Variants in ZNF469 observed in about 807,000 individuals in gnomAD.
The protein encoded by ZNF469 is zinc finger protein 469.
In ZNF469, 1 loss-of-function variant was observed where a neutral mutation model predicts 1.0. That is an observed-to-expected ratio of 1.00 (90% CI 0.35 to 4.73). ZNF469 has a LOEUF of 4.73. ZNF469 is among the 30% of genes most tolerant of loss of function. The pLI, the probability that ZNF469 is intolerant of heterozygous loss-of-function variation, is 0.16. For missense variants in ZNF469, 6,100 were observed against 5,356.3 expected (o/e 1.14, Z -4.33); for synonymous variants, 2,703 against 2,363.4 (o/e 1.14, Z -4.17).
chr16:88,357,629 G>C, the ZNF469 span, among the ~76,000 whole-genome samples: 3 of 152,214 alleles, frequency 2.0e-5, no homozygotes, highest in Admixed American at 1.3e-4. Flanking sequence ...GGGGAAGAGG[G>C]GGGGCCCGGG....
chr16:88,274,222 C>A, the ZNF469 span, among the ~76,000 whole-genome samples: 1 of 152,150 alleles, frequency 6.6e-6, no homozygotes, highest in Admixed American at 6.5e-5. Flanking sequence ...GTCTAATACC[C>A]ATGGTGTGAG....
chr16:88,297,239 G>A, the ZNF469 span, among the ~76,000 whole-genome samples: 7 of 152,166 alleles, frequency 4.6e-5, no homozygotes, highest in South Asian at 2.1e-4. Flanking sequence ...GTGGTCTCTC[G>A]GCTGTGCTGA....
chr16:88,302,703 C>G, the ZNF469 span, among the ~76,000 whole-genome samples: 1 of 152,186 alleles, frequency 6.6e-6, no homozygotes, highest in African/African-American at 2.4e-5. Context: ...CGGAGGCTCA[C>G]TTTCTGCTTG....
the ZNF469 span, among the ~76,000 whole-genome samples, chr16:88,331,641 T>C: frequency 6.6e-6 from 1 of 150,580 alleles, no homozygotes; most frequent in Non-Finnish European, 1.5e-5. Flanking sequence ...ACCACCGCCA[T>C]CATCATCACC....
the ZNF469 span, among the ~76,000 whole-genome samples, chr16:88,141,759 A>ATGGCAGCAGAGGTCGTGG: frequency 1.8e-3 from 275 of 152,312 alleles, 1 homozygote; most frequent in Middle Eastern, 3.4e-3. Context: ...GGCAGTGGCA[A>ATGGCAGCAGAGGTCGTGG]TGGCAGCAGA....
At chr16:88,183,091 C>A in the ZNF469 span, among the ~76,000 whole-genome samples, 330 of 152,210 alleles carry the variant, frequency 2.2e-3, 2 homozygotes, top group Admixed American at 6.6e-3. Flanking sequence ...TGGAAATAAC[C>A]CATGAAATAA....
At chr16:88,116,914 C>G in the ZNF469 span, among the ~76,000 whole-genome samples, 2 of 151,706 alleles carry the variant, frequency 1.3e-5, no homozygotes, top group African/African-American at 2.4e-5. Flanking sequence ...TTACACGAAT[C>G]TACACGTGTG....
the ZNF469 span, among the ~76,000 whole-genome samples, chr16:88,283,061 T>C: frequency 2.0e-5 from 3 of 152,164 alleles, no homozygotes; most frequent in Admixed American, 2.0e-4. Context: ...AAAGTCACTT[T>C]CCCATTTCTA....
chr16:88,360,004 G>C, the ZNF469 span, among the ~76,000 whole-genome samples: 1 of 152,120 alleles, frequency 6.6e-6, no homozygotes, highest in Non-Finnish European at 1.5e-5. Context: ...TTTGTATATT[G>C]GTTCTTGATT....
the ZNF469 span, among the ~76,000 whole-genome samples, chr16:88,171,765 G>A: frequency 6.6e-6 from 1 of 152,162 alleles, no homozygotes; most frequent in Admixed American, 6.5e-5. Context: ...GCTGTGTGAT[G>A]GAATGACAGT....
At chr16:88,427,124 G>A (rs1358499033) in intron 2 of ZNF469, among the ~76,000 whole-genome samples, 1 of 152,132 alleles carries the variant, frequency 6.6e-6, no homozygotes, top group Non-Finnish European at 1.5e-5. Flanking sequence ...CTAAGACAGG[G>A]AAGGGTCCCT....
At chr16:88,243,924 AT>A in the ZNF469 span, among the ~76,000 whole-genome samples, 6 of 85,436 alleles carry the variant, frequency 7.0e-5, no homozygotes, top group South Asian at 1.2e-3. Context: ...ATATATATAT[AT>A]ATATATATAT....
chr16:88,210,557 T>C, the ZNF469 span, among the ~76,000 whole-genome samples: 561 of 152,362 alleles, frequency 3.7e-3, 2 homozygotes, highest in African/African-American at 0.013. Flanking sequence ...TATGGTTTAA[T>C]TTTTTACATA....
chr16:88,297,609 G>A, the ZNF469 span, among the ~76,000 whole-genome samples: 2 of 152,138 alleles, frequency 1.3e-5, no homozygotes, highest in Non-Finnish European at 2.9e-5. Context: ...GGATGGGAGT[G>A]TGGCAGCTCA....
At chr16:88,381,999 C>G (rs2142258395), upstream of ZNF469, among the ~76,000 whole-genome samples, 1 of 152,370 alleles carries the variant, frequency 6.6e-6, no homozygotes, top group Middle Eastern at 3.4e-3. Context: ...TTGACCTGCT[C>G]CCGGGGGACC....
At chr16:88,380,462 C>T (rs1599339656), upstream of ZNF469, among the ~76,000 whole-genome samples, 1 of 134,982 alleles carries the variant, frequency 7.4e-6, no homozygotes, top group Non-Finnish European at 1.5e-5. Context: ...GACATGCACA[C>T]ACACATGCAC....
chr16:88,338,629 C>T, the ZNF469 span, among the ~76,000 whole-genome samples: 2 of 152,206 alleles, frequency 1.3e-5, no homozygotes, highest in African/African-American at 4.8e-5. Flanking sequence ...CCCATGTCCA[C>T]CCACAACCTG....
chr16:88,331,658 A>G, the ZNF469 span, among the ~76,000 whole-genome samples: 1 of 151,350 alleles, frequency 6.6e-6, no homozygotes, highest in African/African-American at 2.4e-5. Flanking sequence ...CACCACCATC[A>G]TCATCTTCAT....
chr16:88,130,884 C>T, the ZNF469 span, among the ~76,000 whole-genome samples: 3 of 152,138 alleles, frequency 2.0e-5, no homozygotes, highest in Admixed American at 2.0e-4. Context: ...GAAGGCCCCG[C>T]GGAGTGGGGG....
Sources: gnomAD v4.1 joint callset for allele counts (sites outside exome capture counted in the v4.1 genomes callset) on GRCh38, gnomAD v4.1.1 for gene constraint, MANE v1.5 for transcripts, NCBI Gene and HGNC (gene_info 2026-07-23, HGNC 2026-07-21) for gene names.